CHRNA2: variants seen among roughly 807,000 people sequenced by gnomAD.
The protein encoded by CHRNA2 is neuronal acetylcholine receptor subunit alpha-2.
A neutral mutation model predicts 45.5 loss-of-function variants in CHRNA2; 40 were observed. The observed-to-expected ratio is 0.88, with a 90% CI of 0.68 to 1.15. CHRNA2 has a LOEUF of 1.15. Ranked by LOEUF, CHRNA2 falls within the 50% of genes most tolerant of loss-of-function variation. The pLI, the probability that CHRNA2 is intolerant of heterozygous loss-of-function variation, is 0.00. For synonymous variants in CHRNA2, 301 were observed against 296.7 expected, an observed-to-expected ratio of 1.01 and a Z score of -0.15; for missense variants, 655 against 701.7, an observed-to-expected ratio of 0.93 and a Z score of 0.75.
Position 27,462,968 on chromosome 8 carries a change from C to T in CHRNA2, c.1464+11G>A. On this transcript the variant is annotated intron_variant, in intron 6 of 6. Coordinates refer to ENST00000407991, the MANE Select transcript of CHRNA2 (RefSeq NM_000742.4). Reference sequence around the variant, plus strand: ...CCACCCAGGCTGGCGCCTCTCCCAACCCCAACGCACCGAAGAGTCAGCATC... The same window carrying T: ...CCACCCAGGCTGGCGCCTCTCCCAATCCCAACGCACCGAAGAGTCAGCATC... The T allele has an allele frequency of 1.2e-6, 2 of 1,614,018 alleles. No homozygotes were observed. The highest frequency in any genetic ancestry group is 1.1e-5 in the South Asian group (1 of 91,088).
chr8:27,472,398 G>A (rs1812915210), intron 1 of CHRNA2, among the ~76,000 whole-genome samples: 1 of 152,192 alleles, frequency 6.6e-6, no homozygotes, highest in Non-Finnish European at 1.5e-5. Context: ...CCAGATGGAT[G>A]GTGTCTGAAT....
chr8:27,469,479 A>C (rs1586398464), intron 3 of CHRNA2, 100 bp from the exon 4 acceptor site: 5 of 1,302,320 alleles, frequency 3.8e-6, no homozygotes, highest in Middle Eastern at 1.8e-4. Flanking sequence ...CTGATAGGAC[A>C]CCCCAAGCCC....
intron 1 of CHRNA2, among the ~76,000 whole-genome samples, chr8:27,472,247 C>A (rs1297483458): frequency 6.6e-6 from 1 of 152,152 alleles, no homozygotes; most frequent in East Asian, 1.9e-4. Flanking sequence ...TAGTTGAACC[C>A]AGGGAGGGGG....
chr8:27,461,432 G>A lies in CHRNA2; in HGVS notation c.*197C>T. 1 of 733,534 alleles carries A rather than the reference G, an allele frequency of 1.4e-6. No individual in the cohort carries two copies. Among genetic ancestry groups the A allele is most frequent in the Non-Finnish European group, 2.2e-6 (1 of 456,748 alleles). 45.4% of individuals were successfully genotyped at this position (733,534 alleles called of 1,614,324 possible). A position where few individuals can be genotyped will look rare whatever the true frequency, so the allele number is the denominator to read the frequency against. ...CCAGCTCCTCCGTATCCAAAACAGG[G>A]CTTTGCACCCAGCAGGCTGTCAGCC... On this transcript the variant is annotated 3_prime_UTR_variant, in exon 7 of 7. Coordinates refer to ENST00000407991, the MANE Select transcript of CHRNA2 (RefSeq NM_000742.4).
chr8:27,474,745 A>G (rs1813009829), intron 1 of CHRNA2, among the ~76,000 whole-genome samples: 1 of 152,244 alleles, frequency 6.6e-6, no homozygotes, highest in Non-Finnish European at 1.5e-5. Flanking sequence ...TCAGGAGTGC[A>G]GCTTTATATA....
At chr8:27,467,084 G>A in intron 5 of CHRNA2, 145 bp downstream of exon 5, 1 of 682,212 alleles carries the variant, frequency 1.5e-6, no homozygotes, top group Non-Finnish European at 2.7e-6. Flanking sequence ...AAGGAATAGA[G>A]AGAGAGGTAG....
intron 4 of CHRNA2, among the ~76,000 whole-genome samples, chr8:27,467,900 AGAGACG>A (rs1340738274): frequency 2.6e-5 from 4 of 152,088 alleles, no homozygotes; most frequent in Non-Finnish European, 4.4e-5. Flanking sequence ...GAGTCCCACC[AGAGACG>A]GGATGTCTGG....
chr8:27,467,211 AC>A lies in CHRNA2; in HGVS notation c.449+17del, dbSNP rs1224407438. 4 of 1,599,586 alleles carry A rather than the reference AC, an allele frequency of 2.5e-6. No homozygotes were observed. In the African/African-American group the frequency reaches 5.4e-5, roughly 21 times the overall value. ...GTTGGCCTCCCCTCATCCCCCCAGG[AC>A]CCCAATGGCTTCCTACTTGTTGTAG... On this transcript the variant is annotated intron_variant, in intron 5 of 6. Transcript: ENST00000407991.
Position 27,463,166 on chromosome 8 carries a change from G to C in CHRNA2, c.1277C>G (p.Ala426Gly), listed in dbSNP as rs138721954. 6.3e-7 allele frequency: 1 copy of C among 1,598,596 alleles called. No individual in the cohort carries two copies. The highest frequency in any genetic ancestry group is 8.6e-7 in the Non-Finnish European group (1 of 1,169,176). Residue 426 changes from alanine to glycine, a missense_variant, in exon 6 of 7, where the codon GCA (alanine) becomes GGA (glycine). Around this residue, in one of 3 missense-constraint regions of CHRNA2, gnomAD observed 295 missense variants for 280.4 expected, o/e 1.05. Transcript: ENST00000407991. The surrounding 1 kb of genome is among the most constrained non-coding windows in gnomAD (Gnocchi z 6.1). Reference sequence around the variant, plus strand: ...GCCCACAGAGGGGGCCACATGACCTGCACATGCCCATCTGTCCTCCTCCTC... The same window carrying C: ...GCCCACAGAGGGGGCCACATGACCTCCACATGCCCATCTGTCCTCCTCCTC... ...VVEEEDRWAC[A>G]GHVAPSVGTL...
chr8:27,466,813 G>A (rs1812710632), intron 5 of CHRNA2, among the ~76,000 whole-genome samples: 1 of 152,104 alleles, frequency 6.6e-6, no homozygotes, highest in Non-Finnish European at 1.5e-5. Context: ...CAACATGATT[G>A]GGAAAAAGGA....
At position 27,461,623 on chromosome 8, in the gene CHRNA2, G is replaced by T; in HGVS notation, c.*6C>A. 6.2e-7 allele frequency: 1 copy of T among 1,614,226 alleles called. No individual in the cohort carries two copies. The highest frequency in any genetic ancestry group is 8.5e-7 in the Non-Finnish European group (1 of 1,180,034). On this transcript the variant is annotated 3_prime_UTR_variant, in exon 7 of 7. Coordinates refer to ENST00000407991, the MANE Select transcript of CHRNA2 (RefSeq NM_000742.4). The stretch of plus-strand genomic sequence containing the variant: ...TGCCCTGGGAGCCAGCTCGAGGGAG[G>T]TGCAGTCAGATCATTCCAGCTAGGA...
intron 1 of CHRNA2, among the ~76,000 whole-genome samples, chr8:27,477,824 C>T (rs765404528): frequency 3.7e-4 from 56 of 152,052 alleles, no homozygotes; most frequent in Non-Finnish European, 7.4e-4. Context: ...ACAGAGAAGC[C>T]TATGTAAAAG....
intron 5 of CHRNA2, among the ~76,000 whole-genome samples, chr8:27,465,072 C>A (rs147630331): frequency 7.8e-4 from 119 of 152,308 alleles, no homozygotes; most frequent in Non-Finnish European, 1.5e-3. Context: ...GGGCAGAGAG[C>A]CTTCCAGTAG....
intron 5 of CHRNA2, among the ~76,000 whole-genome samples, chr8:27,464,796 T>G (rs774614858): frequency 6.6e-6 from 1 of 152,148 alleles, no homozygotes; most frequent in African/African-American, 2.4e-5. Context: ...CATGCGTTTT[T>G]GAGCCCCTCA....
At chr8:27,477,944 C>T (rs1813111686) in intron 1 of CHRNA2, among the ~76,000 whole-genome samples, 2 of 152,148 alleles carry the variant, frequency 1.3e-5, no homozygotes, top group African/African-American at 4.8e-5. Flanking sequence ...CTCACTGCAG[C>T]ATCTCTAGCC....
chr8:27,468,461 C>T (rs1364248961), intron 4 of CHRNA2, among the ~76,000 whole-genome samples: 1 of 152,240 alleles, frequency 6.6e-6, no homozygotes, highest in Non-Finnish European at 1.5e-5. Flanking sequence ...CTGAGTCTAA[C>T]TGGGCTCTAT....
chr8:27,465,364 T>C (rs1476604847), intron 5 of CHRNA2, among the ~76,000 whole-genome samples: 2 of 152,046 alleles, frequency 1.3e-5, no homozygotes, highest in Non-Finnish European at 2.9e-5. Flanking sequence ...AGTAGTTCCA[T>C]GGTAGAGATA....
intron 1 of CHRNA2, among the ~76,000 whole-genome samples, chr8:27,472,016 T>C (rs113921477): frequency 1.1e-4 from 16 of 152,304 alleles, no homozygotes; most frequent in African/African-American, 3.4e-4. Flanking sequence ...TCGTGCTGCA[T>C]AATGAGGCCT....
At chr8:27,469,491 G>T in intron 3 of CHRNA2, 112 bp from the exon 4 acceptor site, 2 of 1,164,748 alleles carry the variant, frequency 1.7e-6, no homozygotes, top group Non-Finnish European at 2.5e-6. Flanking sequence ...CCCAAGCCCA[G>T]CCCGCCCGCC....
Sources: gnomAD v4.1 joint callset for allele counts (sites outside exome capture counted in the v4.1 genomes callset) on GRCh38, gnomAD v4.1.1 for gene constraint, gnomAD v4.1.1 regional missense constraint, Gnocchi (gnomAD v3.1) non-coding constraint, MANE v1.5 for transcripts, NCBI Gene and HGNC (gene_info 2026-07-23, HGNC 2026-07-21) for gene names.